SLC35A3: variants seen among roughly 807,000 people sequenced by gnomAD.
SLC35A3 encodes the protein solute carrier family 35 member A3.
Under a neutral mutation model 39.0 loss-of-function variants are expected in SLC35A3, and 26 were observed. The ratio of observed to expected loss-of-function variants is 0.67; its 90% CI spans 0.49 to 0.92. The LOEUF is 0.92. Ranked by LOEUF, SLC35A3 falls within the 40% of genes least tolerant of loss-of-function variation. The pLI is 0.00. For missense variants in SLC35A3, 299 were observed against 371.6 expected, an observed-to-expected ratio of 0.80 and a Z score of 1.61; for synonymous variants, 135 against 133.1, an observed-to-expected ratio of 1.01 and a Z score of -0.10.
chr1:100,021,384 G>T (rs1660529401), intron 7 of SLC35A3, among the ~76,000 whole-genome samples: 1 of 151,960 alleles, frequency 6.6e-6, no homozygotes, highest in African/African-American at 2.4e-5. Flanking sequence ...ATAAATAAAA[G>T]TTAAGATTCA....
rs957205267 is a variant in SLC35A3, at chr1:100,029,612, G to A, written c.*7136G>A. 10 of 151,818 alleles carry A rather than the reference G, an allele frequency of 6.6e-5. No individual in the cohort carries two copies. The highest frequency in any genetic ancestry group is 5.9e-4 in the Admixed American group (9 of 15,218). 9.4% of individuals were successfully genotyped at this position (151,818 alleles called of 1,614,324 possible). On this transcript the variant is annotated 3_prime_UTR_variant, in exon 8 of 8. Coordinates refer to ENST00000533028, the MANE Select transcript of SLC35A3 (RefSeq NM_012243.3). Reference sequence around the variant, plus strand: ...CGCCCAACTAATTTTTGTATTTTTGGTAGAGACGGGTTTTCACCATGTTGG... The same window carrying A: ...CGCCCAACTAATTTTTGTATTTTTGATAGAGACGGGTTTTCACCATGTTGG...
At chr1:100,021,699 G>T (rs1018322308) in intron 7 of SLC35A3, among the ~76,000 whole-genome samples, 13 of 152,068 alleles carry the variant, frequency 8.5e-5, no homozygotes, top group African/African-American at 2.9e-4. Context: ...GTTAATATTT[G>T]TAGTCTAGTT....
At chr1:100,013,866 T>C (rs868431805) in intron 5 of SLC35A3, among the ~76,000 whole-genome samples, 12 of 152,300 alleles carry the variant, frequency 7.9e-5, no homozygotes, top group African/African-American at 2.6e-4. Flanking sequence ...TCCTTTCTAT[T>C]GTGGAATACT....
chr1:100,000,117 T>G (rs1236147405), intron 3 of SLC35A3, among the ~76,000 whole-genome samples: 1 of 152,174 alleles, frequency 6.6e-6, no homozygotes, highest in Non-Finnish European at 1.5e-5. Context: ...TGCTGGATTG[T>G]CTGGTAGTTC....
chr1:99,995,077 T>TG (rs1239743386), intron 2 of SLC35A3, among the ~76,000 whole-genome samples: 1 of 151,934 alleles, frequency 6.6e-6, no homozygotes, highest in Non-Finnish European at 1.5e-5. Context: ...TGAATTTTTA[T>TG]GGGGTTTTTT....
chr1:99,977,119 C>T (rs1172366907), intron 1 of SLC35A3, among the ~76,000 whole-genome samples: 1 of 151,964 alleles, frequency 6.6e-6, no homozygotes, highest in Non-Finnish European at 1.5e-5. Context: ...TTTTAAGGCC[C>T]CTCACCATTC....
chr1:99,974,449 A>G (rs1428502698), intron 1 of SLC35A3, among the ~76,000 whole-genome samples: 2 of 152,204 alleles, frequency 1.3e-5, no homozygotes, highest in African/African-American at 2.4e-5. Context: ...ATACTTTTAT[A>G]TACTATGGTG....
chr1:99,979,820 G>T (rs1657348036), intron 1 of SLC35A3, among the ~76,000 whole-genome samples: 3 of 151,848 alleles, frequency 2.0e-5, no homozygotes. Flanking sequence ...GAGGTGGGTG[G>T]ATCACCCGAG....
At chr1:99,987,953 T>C (rs1260861459) in intron 1 of SLC35A3, among the ~76,000 whole-genome samples, 1 of 152,218 alleles carries the variant, frequency 6.6e-6, no homozygotes, top group Non-Finnish European at 1.5e-5. Context: ...AATGCTATTA[T>C]TTGGTATGTC....
At chr1:99,985,331 C>G (rs1657685483) in intron 1 of SLC35A3, among the ~76,000 whole-genome samples, 1 of 152,072 alleles carries the variant, frequency 6.6e-6, no homozygotes, top group African/African-American at 2.4e-5. Flanking sequence ...GTGTCCTTTC[C>G]CCACTCTATG....
chr1:100,002,865 T>G (rs893641399), intron 3 of SLC35A3, among the ~76,000 whole-genome samples: 22 of 151,762 alleles, frequency 1.4e-4, no homozygotes, highest in African/African-American at 5.1e-4. Flanking sequence ...TCCTCCCACC[T>G]GGCCTCCCAA....
rs1391227183 is a variant in SLC35A3 at position 100,025,756 on chromosome 1, C to T, written c.*3280C>T. ...GTATCAAGCTTTTATAATGATGACT[C>T]CTTCATTATTTAAATTCCTATACTT... On this transcript the variant is annotated 3_prime_UTR_variant, in exon 8 of 8. Transcript: ENST00000533028. The T allele has an allele frequency of 6.6e-6, 1 of 152,106 alleles. No homozygotes were observed. The highest frequency in any genetic ancestry group is 1.5e-5 in the Non-Finnish European group (1 of 67,996). 9.4% of individuals were successfully genotyped at this position (152,106 alleles called of 1,614,324 possible).
At chr1:99,970,279 G>C (rs1656722763) in intron 1 of SLC35A3, 117 bp downstream of exon 1, 1 of 363,340 alleles carries the variant, frequency 2.8e-6, no homozygotes, top group African/African-American at 2.1e-5. Flanking sequence ...CTGATGTGAA[G>C]TCTGTAGGGG....
At position 100,015,286 on chromosome 1, in the gene SLC35A3, CTT is replaced by C. The variant is rs758396231; in HGVS notation, c.635-14_635-13del. The C allele has an allele frequency of 3.9e-5, 62 of 1,584,368 alleles. No homozygotes were observed. The highest frequency in any genetic ancestry group is 4.9e-5 in the Non-Finnish European group (57 of 1,166,854). On this transcript the variant is annotated splice_polypyrimidine_tract_variant and intron_variant, in intron 5 of 7. Coordinates refer to ENST00000533028, the MANE Select transcript of SLC35A3 (RefSeq NM_012243.3). ...CAAACTAAACGATATATCATGTAGACTTTACTTTTTTTTAGGTTTCTTTGGAA... is the reference window on the plus strand; with the variant it reads ...CAAACTAAACGATATATCATGTAGACTACTTTTTTTTAGGTTTCTTTGGAA...
Position 100,030,452 on chromosome 1 carries a change from A to T in SLC35A3, c.*7976A>T, listed in dbSNP as rs957242963. On this transcript the variant is annotated 3_prime_UTR_variant, in exon 8 of 8. Coordinates refer to ENST00000533028, the MANE Select transcript of SLC35A3 (RefSeq NM_012243.3). ...GAATGTGGCTCAACACAAATTTGTA[A>T]ACTTTCTTAAAACAGTATGAGATTT... 1 of 152,250 alleles carries T rather than the reference A, an allele frequency of 6.6e-6. No individual in the cohort carries two copies. The highest frequency in any genetic ancestry group is 2.4e-5 in the African/African-American group (1 of 41,468). 9.4% of individuals were successfully genotyped at this position (152,250 alleles called of 1,614,324 possible). A position where few individuals can be genotyped will look rare whatever the true frequency, so the allele number is the denominator to read the frequency against.
chr1:100,024,676 T>C lies in SLC35A3; in HGVS notation c.*2200T>C, dbSNP rs1570636279. The C allele has an allele frequency of 1.1e-5, 4 of 377,896 alleles. No homozygotes were observed. The highest frequency in any genetic ancestry group is 7.6e-5 in the East Asian group (2 of 26,318). The allele number at this position is 377,896 out of a possible 1,614,324, so 23.4% of individuals were successfully genotyped here. On this transcript the variant is annotated 3_prime_UTR_variant, in exon 8 of 8. Coordinates refer to ENST00000533028, the MANE Select transcript of SLC35A3 (RefSeq NM_012243.3). ...ACTTTGTCGCCAGGCTGGAGTGCTG[T>C]GGCGCGATCTCGGCTTACTGCAACC...
At position 100,035,451 on chromosome 1, in the gene SLC35A3, A is replaced by G. The variant is rs1661448560; in HGVS notation, c.*12975A>G. 1 of 152,214 alleles carries G rather than the reference A, an allele frequency of 6.6e-6. No homozygotes were observed. Among genetic ancestry groups the G allele is most frequent in the African/African-American group, 2.4e-5 (1 of 41,442 alleles). 9.4% of individuals were successfully genotyped at this position (152,214 alleles called of 1,614,324 possible). On this transcript the variant is annotated 3_prime_UTR_variant, in exon 8 of 8. Transcript: ENST00000533028. The stretch of plus-strand genomic sequence containing the variant: ...GCCTTTCTAGCACAAAGCCTGGGAC[A>G]TTCTGGACATTTAGTATGTGTTAAA...
chr1:100,010,657 C>CCA (rs1659563708), intron 4 of SLC35A3, among the ~76,000 whole-genome samples: 1 of 152,138 alleles, frequency 6.6e-6, no homozygotes, highest in Non-Finnish European at 1.5e-5. Flanking sequence ...GCACTGCACT[C>CCA]CAGCCTGGGT....
chr1:100,015,345 T>C lies in SLC35A3; in HGVS notation c.678T>C (p.Tyr226=). The C allele has an allele frequency of 1.2e-6, 2 of 1,613,146 alleles. No homozygotes were observed. Among genetic ancestry groups the C allele is most frequent in the Non-Finnish European group, 8.5e-7 (1 of 1,179,652 alleles). The part of the protein sequence containing the change: ...SIFGLMGVYI[Y]DGELVSKNGF... ...TTGGATTAATGGGTGTATACATTTATGATGGAGAACTGGTATCAAAGAATG... is the reference window on the plus strand; with the variant it reads ...TTGGATTAATGGGTGTATACATTTACGATGGAGAACTGGTATCAAAGAATG... The change falls in exon 6 of 8, where the codon TAT becomes TAC. Residue 226 remains tyrosine, a synonymous_variant. Coordinates refer to ENST00000533028, the MANE Select transcript of SLC35A3 (RefSeq NM_012243.3).
Sources: gnomAD v4.1 joint callset for allele counts (sites outside exome capture counted in the v4.1 genomes callset) on GRCh38, gnomAD v4.1.1 for gene constraint, MANE v1.5 for transcripts, NCBI Gene and HGNC (gene_info 2026-07-23, HGNC 2026-07-21) for gene names.